Variants in PRKCQ observed in about 807,000 individuals in gnomAD.
PRKCQ encodes the protein protein kinase C theta, also known as protein kinase C theta type.
PRKCQ carries 41 observed loss-of-function variants against 91.2 expected under a neutral mutation model. The ratio of observed to expected loss-of-function variants is 0.45; its 90% CI spans 0.35 to 0.58. The LOEUF is 0.58. Ranked by LOEUF, PRKCQ falls within the 20% of genes least tolerant of loss-of-function variation. The pLI is 0.00. For synonymous variants in PRKCQ, 307 were observed against 316.9 expected (o/e 0.97, Z 0.33); for missense variants, 673 against 896.5 (o/e 0.75, Z 3.18).
chr10:6,497,944 C>T lies in PRKCQ; in HGVS notation c.542+452G>A, dbSNP rs901298104. Among the ~76,000 whole-genome samples, 8 of 152,182 alleles carry T rather than the reference C, an allele frequency of 5.3e-5. No individual in the cohort carries two copies. The highest frequency in any genetic ancestry group is 7.2e-5 in the African/African-American group (3 of 41,434). ...TGCTATGTGGTTACTGAGGTTTAAA[C>T]TGATCTGTTTGATGGCTATTAAGAT... On this transcript the variant is annotated intron_variant, in intron 5 of 17. Transcript: ENST00000263125. This position sits in a 1 kb window ranked among gnomAD's most constrained non-coding sequence, Gnocchi z 4.5.
At chr10:6,405,542 T>G in the PRKCQ span, among the ~76,000 whole-genome samples, 1 of 152,214 alleles carries the variant, frequency 6.6e-6, no homozygotes, top group Non-Finnish European at 1.5e-5. Flanking sequence ...ACTGGGGAAC[T>G]CCAGCGCCCC....
intron 14 of PRKCQ, 51 bp downstream of exon 14, chr10:6,462,252 G>T: frequency 6.5e-7 from 1 of 1,529,942 alleles, no homozygotes; most frequent in African/African-American, 1.4e-5. Flanking sequence ...TAAATTAACT[G>T]AGCCAGGAAA....
the PRKCQ span, among the ~76,000 whole-genome samples, chr10:6,395,054 GTCTT>G: frequency 0.49 from 64,236 of 129,942 alleles, 15,201 homozygotes; most frequent in East Asian, 0.8. Flanking sequence ...GGAAGCTGGA[GTCTT>G]TTTTTTTTTT....
At chr10:6,533,359 G>C (rs1315326120) in intron 1 of PRKCQ, among the ~76,000 whole-genome samples, 1 of 152,140 alleles carries the variant, frequency 6.6e-6, no homozygotes, top group East Asian at 1.9e-4. Context: ...CATCATGCCT[G>C]GCTAATTTTT....
chr10:6,449,972 C>CA (rs1398756958), intron 15 of PRKCQ, among the ~76,000 whole-genome samples: 104 of 152,180 alleles, frequency 6.8e-4, no homozygotes, highest in African/African-American at 2.5e-3. Context: ...CCAGCTGCTG[C>CA]AAAATCATGC....
At chr10:6,437,778 A>C (rs1321364688) in intron 16 of PRKCQ, among the ~76,000 whole-genome samples, 1 of 151,542 alleles carries the variant, frequency 6.6e-6, no homozygotes, top group Non-Finnish European at 1.5e-5. Flanking sequence ...CAGCCTCCCA[A>C]GTAGCTGGGA....
At chr10:6,548,984 T>C (rs1840081354) in intron 1 of PRKCQ, among the ~76,000 whole-genome samples, 1 of 152,206 alleles carries the variant, frequency 6.6e-6, no homozygotes, top group Non-Finnish European at 1.5e-5. Flanking sequence ...CATTTATCCA[T>C]TCATTCACCA....
intron 1 of PRKCQ, among the ~76,000 whole-genome samples, chr10:6,539,045 T>C (rs1022002374): frequency 6.6e-6 from 1 of 152,146 alleles, no homozygotes; most frequent in African/African-American, 2.4e-5. Context: ...ATTACAGGCG[T>C]GATGAATTTA....
intron 16 of PRKCQ, among the ~76,000 whole-genome samples, chr10:6,438,793 G>C (rs1833822434): frequency 6.6e-6 from 1 of 152,054 alleles, no homozygotes; most frequent in Non-Finnish European, 1.5e-5. Flanking sequence ...ATGGGGTCTT[G>C]CTATGTTGCC....
intron 8 of PRKCQ, among the ~76,000 whole-genome samples, chr10:6,491,362 G>A (rs766220868): frequency 3.3e-5 from 5 of 152,206 alleles, no homozygotes; most frequent in Non-Finnish European, 1.5e-5. Flanking sequence ...GAAACTAGTA[G>A]TAGAAAGACC....
intron 4 of PRKCQ, among the ~76,000 whole-genome samples, chr10:6,500,873 GT>G (rs1177282854): frequency 5.3e-5 from 8 of 152,064 alleles, no homozygotes; most frequent in Non-Finnish European, 1.0e-4. Context: ...TAACAGTCAA[GT>G]CAGGGAGACG....
Position 6,485,284 on chromosome 10 carries a change from G to C in PRKCQ, c.901-15C>G, listed in dbSNP as rs1199747404. ...AAGCAGCGAGCCTGGATGACAAACAGAGAGTCAGACCACCCACCCACCCAC... is the reference window on the plus strand; with the variant it reads ...AAGCAGCGAGCCTGGATGACAAACACAGAGTCAGACCACCCACCCACCCAC... On this transcript the variant is annotated splice_polypyrimidine_tract_variant and intron_variant, in intron 9 of 17. Coordinates refer to ENST00000263125, the MANE Select transcript of PRKCQ (RefSeq NM_006257.5). 3 of 1,607,744 alleles carry C rather than the reference G, an allele frequency of 1.9e-6. No homozygotes were observed. The highest frequency in any genetic ancestry group is 2.6e-6 in the Non-Finnish European group (3 of 1,175,078).
intron 4 of PRKCQ, among the ~76,000 whole-genome samples, chr10:6,501,290 AG>A (rs1050656403): frequency 6.6e-6 from 1 of 152,098 alleles, no homozygotes; most frequent in Non-Finnish European, 1.5e-5. Context: ...GTGAAAAAAA[AG>A]AAGAGATGAT....
chr10:6,488,467 C>T (rs1302791905), intron 8 of PRKCQ, among the ~76,000 whole-genome samples: 2 of 151,340 alleles, frequency 1.3e-5, no homozygotes, highest in Admixed American at 6.6e-5. Context: ...CTCACTGCAA[C>T]CTCGGCCTCC....
At chr10:6,416,364 C>CT in the PRKCQ span, among the ~76,000 whole-genome samples, 7,346 of 152,022 alleles carry the variant, frequency 0.048, 285 homozygotes, top group South Asian at 0.14. Context: ...TCCCTCAGCC[C>CT]CTCCACCCTT....
At chr10:6,561,054 T>A (rs924050444) in intron 1 of PRKCQ, among the ~76,000 whole-genome samples, 12 of 120,538 alleles carry the variant, frequency 1.0e-4, no homozygotes, top group South Asian at 8.2e-4. Context: ...AAAAAAAAAA[T>A]TTATTCTTTT....
rs559415035 is a variant in PRKCQ, at chr10:6,464,217, G to C, written c.1445+96C>G. On this transcript the variant is annotated intron_variant, in intron 13 of 17. Coordinates refer to ENST00000263125, the MANE Select transcript of PRKCQ (RefSeq NM_006257.5). Reference sequence around the variant, plus strand: ...TATTCCCAAGGGTTCACCTGGCCCTGGGATTCAGGCATGCCAAGTGGGAAA... The same window carrying C: ...TATTCCCAAGGGTTCACCTGGCCCTCGGATTCAGGCATGCCAAGTGGGAAA... 3.8e-5 allele frequency: 40 copies of C among 1,047,310 alleles called. 1 individual carries two copies. The South Asian group carries it at 5.4e-4, about 14-fold the overall frequency. 64.9% of individuals were successfully genotyped at this position (1,047,310 alleles called of 1,614,324 possible). A position where few individuals can be genotyped will look rare whatever the true frequency, so the allele number is the denominator to read the frequency against.
At chr10:6,441,402 A>G (rs939557840) in intron 16 of PRKCQ, among the ~76,000 whole-genome samples, 1 of 152,102 alleles carries the variant, frequency 6.6e-6, no homozygotes, top group Non-Finnish European at 1.5e-5. Context: ...TTGGCCTCCC[A>G]AAGTGCTGGG....
chr10:6,501,305 CAAGATTGGGG>C (rs1187827735), intron 4 of PRKCQ, among the ~76,000 whole-genome samples: 1 of 151,706 alleles, frequency 6.6e-6, no homozygotes, highest in Non-Finnish European at 1.5e-5. Context: ...AGATGATGTT[CAAGATTGGGG>C]AAGATGCATA....
Sources: gnomAD v4.1 joint callset for allele counts (sites outside exome capture counted in the v4.1 genomes callset) on GRCh38, gnomAD v4.1.1 for gene constraint, Gnocchi (gnomAD v3.1) non-coding constraint, MANE v1.5 for transcripts, NCBI Gene and HGNC (gene_info 2026-07-23, HGNC 2026-07-21) for gene names.